ULK4: variants seen among roughly 807,000 people sequenced by gnomAD.
The protein encoded by ULK4 is unc-51 like kinase 4.
In ULK4, 133 loss-of-function variants were observed where a neutral mutation model predicts 160.6. That is an observed-to-expected ratio of 0.83 (90% confidence interval 0.72 to 0.96). The LOEUF (loss-of-function observed/expected upper bound fraction) is 0.96. Ranked by LOEUF, ULK4 falls within the 40% of genes least tolerant of loss-of-function variation. The probability of loss-of-function intolerance (pLI) is 0.00; values close to 1 mark genes in which losing one functional copy is unlikely to be tolerated. For synonymous variants in ULK4, 534 were observed against 539.8 expected (o/e 0.99, Z 0.15); for missense variants, 1,580 against 1,499.5 (o/e 1.05, Z -0.89).
intron 30 of ULK4, among the ~76,000 whole-genome samples, chr3:41,639,144 G>A (rs2034080726): frequency 6.6e-6 from 1 of 152,114 alleles, no homozygotes; most frequent in Admixed American, 6.6e-5. Context: ...GGATACGATC[G>A]GCTGATGGTT....
chr3:41,250,184 T>C (rs1018446680), intron 35 of ULK4, among the ~76,000 whole-genome samples: 1 of 152,136 alleles, frequency 6.6e-6, no homozygotes, highest in African/African-American at 2.4e-5. Flanking sequence ...GGTGGGGATT[T>C]ATCTAGACCC....
intron 22 of ULK4, among the ~76,000 whole-genome samples, chr3:41,728,698 A>G (rs1280675385): frequency 6.6e-6 from 1 of 152,210 alleles, no homozygotes; most frequent in South Asian, 2.1e-4. Flanking sequence ...AGAAAACCCA[A>G]AAAAACTGCC....
chr3:41,591,486 G>A (rs2031303642), intron 31 of ULK4, among the ~76,000 whole-genome samples: 1 of 142,880 alleles, frequency 7.0e-6, no homozygotes. Flanking sequence ...ACCGATAACT[G>A]ATGAGCTTAA....
chr3:41,391,848 C>CAG (rs2081963630), intron 35 of ULK4, among the ~76,000 whole-genome samples: 1 of 152,090 alleles, frequency 6.6e-6, no homozygotes, highest in Non-Finnish European at 1.5e-5. Context: ...TATTCATCTT[C>CAG]AGAGAGTTAT....
intron 23 of ULK4, among the ~76,000 whole-genome samples, chr3:41,716,216 A>AAATAATAAT (rs61340837): frequency 0.049 from 6,784 of 139,120 alleles, 283 homozygotes; most frequent in African/African-American, 0.1. Context: ...CTGTCTCACA[A>AAATAATAAT]AATAATAATA....
intron 35 of ULK4, among the ~76,000 whole-genome samples, chr3:41,330,842 G>A (rs1363487019): frequency 6.6e-6 from 1 of 152,192 alleles, no homozygotes; most frequent in South Asian, 2.1e-4. Flanking sequence ...ACAGAGGTCA[G>A]AGAGAAGCAG....
chr3:41,443,654 T>G (rs374379554), intron 34 of ULK4, among the ~76,000 whole-genome samples: 1 of 152,154 alleles, frequency 6.6e-6, no homozygotes, highest in Non-Finnish European at 1.5e-5. Context: ...AAACTGAAAT[T>G]TGTGCATATT....
At chr3:41,629,440 C>A (rs1396732011) in intron 30 of ULK4, among the ~76,000 whole-genome samples, 1 of 152,136 alleles carries the variant, frequency 6.6e-6, no homozygotes, top group African/African-American at 2.4e-5. Context: ...AAGGAGTAGG[C>A]TTTCAAAGAG....
intron 35 of ULK4, among the ~76,000 whole-genome samples, chr3:41,347,150 C>T (rs77809705): frequency 0.016 from 2,480 of 152,208 alleles, 54 homozygotes; most frequent in African/African-American, 0.049. Flanking sequence ...ATAAAAGTGC[C>T]GTCGCTGCAG....
intron 21 of ULK4, among the ~76,000 whole-genome samples, chr3:41,774,390 A>G (rs914617224): frequency 6.6e-6 from 1 of 150,470 alleles, no homozygotes; most frequent in Non-Finnish European, 1.5e-5. Flanking sequence ...AAACCAAACA[A>G]CCCCATCACA....
intron 19 of ULK4, among the ~76,000 whole-genome samples, chr3:41,806,191 C>G (rs1479404919): frequency 6.7e-6 from 1 of 148,494 alleles, no homozygotes; most frequent in Non-Finnish European, 1.5e-5. Flanking sequence ...AGAGATTCAA[C>G]TTCTTCCTGG....
At chr3:41,604,998 T>C (rs2032304314) in intron 31 of ULK4, among the ~76,000 whole-genome samples, 1 of 152,104 alleles carries the variant, frequency 6.6e-6, no homozygotes, top group Non-Finnish European at 1.5e-5. Flanking sequence ...ATGTGAGCTG[T>C]TAAAATTTGA....
chr3:41,563,816 G>A (rs1287715024), intron 32 of ULK4, among the ~76,000 whole-genome samples: 1 of 152,150 alleles, frequency 6.6e-6, no homozygotes, highest in Non-Finnish European at 1.5e-5. Flanking sequence ...TGCTCCTGTA[G>A]CTTGGAGAAG....
intron 34 of ULK4, among the ~76,000 whole-genome samples, chr3:41,453,969 T>C (rs1177013102): frequency 2.3e-5 from 3 of 131,184 alleles, no homozygotes; most frequent in Admixed American, 9.3e-5. Context: ...TAGGTGGGAA[T>C]TGAACAATGA....
At chr3:41,300,492 A>G (rs2079762666) in intron 35 of ULK4, among the ~76,000 whole-genome samples, 1 of 152,144 alleles carries the variant, frequency 6.6e-6, no homozygotes, top group African/African-American at 2.4e-5. Flanking sequence ...AATAAACTCT[A>G]CAGGATTTTG....
At chr3:41,765,385 A>G (rs1354510338) in intron 21 of ULK4, among the ~76,000 whole-genome samples, 1 of 152,106 alleles carries the variant, frequency 6.6e-6, no homozygotes, top group Non-Finnish European at 1.5e-5. Context: ...AGGGTGGGGA[A>G]CATCACACAC....
intron 32 of ULK4, among the ~76,000 whole-genome samples, chr3:41,499,935 T>C (rs1023301854): frequency 3.3e-5 from 5 of 152,196 alleles, no homozygotes; most frequent in Non-Finnish European, 5.9e-5. Flanking sequence ...TATTTTTCTG[T>C]TTATTTTTCT....
chr3:41,772,532 T>C (rs2039431034), intron 21 of ULK4, among the ~76,000 whole-genome samples: 1 of 152,132 alleles, frequency 6.6e-6, no homozygotes, highest in Non-Finnish European at 1.5e-5. Context: ...AGAAGTTGAA[T>C]CTCTGAATAG....
chr3:41,826,614 C>G (rs2041364610), intron 18 of ULK4, among the ~76,000 whole-genome samples: 1 of 145,738 alleles, frequency 6.9e-6, no homozygotes, highest in African/African-American at 2.7e-5. Flanking sequence ...GCTAACTATC[C>G]TAAATACATA....
Sources: gnomAD v4.1 joint callset for allele counts (sites outside exome capture counted in the v4.1 genomes callset) on GRCh38, gnomAD v4.1.1 for gene constraint, MANE v1.5 for transcripts, NCBI Gene and HGNC (gene_info 2026-07-23, HGNC 2026-07-21) for gene names.